Variants in SLC26A7 observed in about 807,000 individuals in gnomAD.
The protein encoded by SLC26A7 is solute carrier family 26 member 7.
SLC26A7 carries 59 observed loss-of-function variants against 82.5 expected under a neutral mutation model. That is an observed-to-expected ratio of 0.72 (90% CI 0.58 to 0.89). SLC26A7 has a LOEUF of 0.89. Among genes scored for constraint, SLC26A7 ranks in the 40% least tolerant of loss-of-function variants. The pLI, the probability that SLC26A7 is intolerant of heterozygous loss-of-function variation, is 0.00. For synonymous variants in SLC26A7, 271 were observed against 274.3 expected, an observed-to-expected ratio of 0.99 and a Z score of 0.12; for missense variants, 820 against 793.0, an observed-to-expected ratio of 1.03 and a Z score of -0.41.
chr8:91,352,117 A>C (rs1488035062), intron 10 of SLC26A7, among the ~76,000 whole-genome samples: 4 of 151,970 alleles, frequency 2.6e-5, no homozygotes, highest in African/African-American at 9.7e-5. Flanking sequence ...TAAGAATGGT[A>C]TTGTGGAACT....
At chr8:91,352,879 T>C in intron 10 of SLC26A7, 22 bp from the exon 11 acceptor site, 1 of 1,567,656 alleles carries the variant, frequency 6.4e-7, no homozygotes, top group Non-Finnish European at 8.7e-7. Flanking sequence ...TGCTTCTTCT[T>C]CAACTTACGT....
At chr8:91,302,205 A>G (rs1812185179) in intron 4 of SLC26A7, among the ~76,000 whole-genome samples, 1 of 152,104 alleles carries the variant, frequency 6.6e-6, no homozygotes, top group African/African-American at 2.4e-5. Context: ...ATCAGTATAT[A>G]GCTATTAGGT....
chr8:91,283,902 A>G (rs1254917972), intron 2 of SLC26A7, among the ~76,000 whole-genome samples: 1 of 152,182 alleles, frequency 6.6e-6, no homozygotes, highest in Non-Finnish European at 1.5e-5. Flanking sequence ...TTTAAAATAA[A>G]TTTCTCAAAT....
At chr8:91,227,070 A>G (rs891252413) in intron 2 of SLC26A7, among the ~76,000 whole-genome samples, 2 of 152,196 alleles carry the variant, frequency 1.3e-5, no homozygotes, top group Non-Finnish European at 2.9e-5. Context: ...AACTTAATCA[A>G]TCTCACTCCA....
At chr8:91,394,633 G>C in intron 18 of SLC26A7, 1 of 1,140,304 alleles carries the variant, frequency 8.8e-7, no homozygotes, top group Non-Finnish European at 1.1e-6. Context: ...GTGCCTCGCA[G>C]AGTCATCCCT....
chr8:91,359,765 T>C (rs1813995409), intron 11 of SLC26A7, among the ~76,000 whole-genome samples: 1 of 152,136 alleles, frequency 6.6e-6, no homozygotes, highest in South Asian at 2.1e-4. Context: ...AAAGTATGAA[T>C]ATTGCACAGA....
chr8:91,393,856 G>A lies in SLC26A7; in HGVS notation c.1831+5G>A. The A allele has an allele frequency of 6.2e-7, 1 of 1,613,670 alleles. No individual in the cohort carries two copies. Among genetic ancestry groups the A allele is most frequent in the Non-Finnish European group, 8.5e-7 (1 of 1,179,624 alleles). On this transcript the variant is annotated splice_donor_5th_base_variant and intron_variant, in intron 17 of 18. Transcript: ENST00000276609. ...TATTGTTAGCCCATTGTACAGGTAA[G>A]AGAATGTCCCTGACTAACGTTGAAT...
At chr8:91,250,437 G>A (rs1339074140) in intron 2 of SLC26A7, among the ~76,000 whole-genome samples, 1 of 152,060 alleles carries the variant, frequency 6.6e-6, no homozygotes, top group Non-Finnish European at 1.5e-5. Flanking sequence ...TATTTAAACT[G>A]GTGAGAAGTC....
Position 91,330,152 on chromosome 8 carries a change from G to A in SLC26A7, c.643-4143G>A, listed in dbSNP as rs1813039413. Among the ~76,000 whole-genome samples, 3 of 152,160 alleles carry A rather than the reference G, an allele frequency of 2.0e-5. No individual in the cohort carries two copies. In the South Asian group the frequency reaches 6.2e-4, roughly 32 times the overall value. ...ATAACTAGTGGGTTCTTTTGTTATT[G>A]TCATTTTAACTGTATGGATAAAAGG... On this transcript the variant is annotated intron_variant, in intron 5 of 18. Transcript: ENST00000276609.
chr8:91,289,893 A>G (rs1811818188), intron 3 of SLC26A7, among the ~76,000 whole-genome samples: 1 of 152,142 alleles, frequency 6.6e-6, no homozygotes, highest in Non-Finnish European at 1.5e-5. Flanking sequence ...ATGAGGGGTG[A>G]TTTGGTATTA....
At chr8:91,307,758 C>G (rs1225344086) in intron 4 of SLC26A7, among the ~76,000 whole-genome samples, 23 of 147,538 alleles carry the variant, frequency 1.6e-4, no homozygotes, top group Non-Finnish European at 2.4e-4. Flanking sequence ...ATGTAACTAA[C>G]CTGCACAATG....
intron 15 of SLC26A7, among the ~76,000 whole-genome samples, chr8:91,373,808 C>T (rs1343777382): frequency 6.6e-6 from 1 of 151,982 alleles, no homozygotes; most frequent in Non-Finnish European, 1.5e-5. Context: ...GGCACTAGCT[C>T]TTCATTGTAT....
intron 1 of SLC26A7, among the ~76,000 whole-genome samples, chr8:91,213,550 A>G (rs1471120000): frequency 2.0e-5 from 3 of 152,252 alleles, no homozygotes; most frequent in East Asian, 1.9e-4. Context: ...GCGAATAAGT[A>G]GGAGACCTAG....
intron 7 of SLC26A7, 68 bp downstream of exon 7, chr8:91,338,300 G>T: frequency 9.6e-7 from 1 of 1,040,126 alleles, no homozygotes; most frequent in East Asian, 2.6e-5. Flanking sequence ...AAAGGGACAG[G>T]GAGTGAGTGG....
intron 2 of SLC26A7, among the ~76,000 whole-genome samples, chr8:91,273,909 T>A (rs755035771): frequency 1.4e-4 from 21 of 152,376 alleles, no homozygotes; most frequent in Non-Finnish European, 2.6e-4. Flanking sequence ...GTAATTCATA[T>A]CTTATGTCCC....
chr8:91,352,024 G>A, intron 10 of SLC26A7, 137 bp downstream of exon 10: 1 of 738,776 alleles, frequency 1.4e-6, no homozygotes, highest in Non-Finnish European at 2.3e-6. Flanking sequence ...TTTGAATGGG[G>A]GAGGTGTGGA....
chr8:91,305,747 T>C (rs1346906383), intron 4 of SLC26A7, among the ~76,000 whole-genome samples: 2 of 136,072 alleles, frequency 1.5e-5, no homozygotes, highest in Non-Finnish European at 3.3e-5. Flanking sequence ...AAAACTTAGA[T>C]AGACATTTCC....
chr8:91,363,768 T>C (rs1240875738), intron 13 of SLC26A7, among the ~76,000 whole-genome samples: 1 of 152,082 alleles, frequency 6.6e-6, no homozygotes, highest in African/African-American at 2.4e-5. Context: ...GACAAAAGCA[T>C]AGCATGGTAC....
At chr8:91,254,041 A>AT (rs1360637492) in intron 2 of SLC26A7, among the ~76,000 whole-genome samples, 5 of 152,094 alleles carry the variant, frequency 3.3e-5, no homozygotes, top group Admixed American at 6.6e-5. Flanking sequence ...CAAGTAATTG[A>AT]TTTTTTCCAA....
Sources: gnomAD v4.1 joint callset for allele counts (sites outside exome capture counted in the v4.1 genomes callset) on GRCh38, gnomAD v4.1.1 for gene constraint, MANE v1.5 for transcripts, NCBI Gene and HGNC (gene_info 2026-07-23, HGNC 2026-07-21) for gene names.